Variants in BEND7 observed in about 807,000 individuals in gnomAD.
BEND7 encodes BEN domain containing 7.
In BEND7, 28 loss-of-function variants were observed where a neutral mutation model predicts 50.9. The ratio of observed to expected loss-of-function variants is 0.55; its 90% CI spans 0.41 to 0.75. The LOEUF (loss-of-function observed/expected upper bound fraction) is 0.75. Among genes scored for constraint, BEND7 ranks in the 30% least tolerant of loss-of-function variants. The pLI, the probability that BEND7 is intolerant of heterozygous loss-of-function variation, is 0.00. For missense variants in BEND7, 477 were observed against 491.3 expected, an observed-to-expected ratio of 0.97 and a Z score of 0.28; for synonymous variants, 170 against 183.9, an observed-to-expected ratio of 0.92 and a Z score of 0.61.
chr10:13,471,847 C>T (rs2131508282), intron 6 of BEND7, among the ~76,000 whole-genome samples: 1 of 152,366 alleles, frequency 6.6e-6, no homozygotes, highest in East Asian at 1.9e-4. Context: ...TGATACCCAC[C>T]ATCCCCATCA....
At chr10:13,458,098 T>C (rs1161176881) in intron 6 of BEND7, among the ~76,000 whole-genome samples, 3 of 152,380 alleles carry the variant, frequency 2.0e-5, no homozygotes, top group Non-Finnish European at 4.4e-5. Context: ...GGGCGTATGT[T>C]AAGTCACCAG....
At chr10:13,503,120 G>C (rs1024899061) in intron 2 of BEND7, 1 of 161,310 alleles carries the variant, frequency 6.2e-6, no homozygotes, top group African/African-American at 2.4e-5. Context: ...TACAACCTGA[G>C]TTTTGCATAA....
intron 6 of BEND7, among the ~76,000 whole-genome samples, chr10:13,470,540 G>A (rs540716456): frequency 3.9e-5 from 6 of 152,276 alleles, no homozygotes; most frequent in South Asian, 2.1e-4. Flanking sequence ...GTGACAGGCT[G>A]AAGAAAGATC....
chr10:13,506,486 G>A (rs77154579), intron 2 of BEND7, among the ~76,000 whole-genome samples: 5 of 152,286 alleles, frequency 3.3e-5, no homozygotes, highest in Non-Finnish European at 7.3e-5. Context: ...GAGCTGGAGC[G>A]CATAGTGAGG....
chr10:13,471,650 C>G (rs1054286482), intron 6 of BEND7, among the ~76,000 whole-genome samples: 6 of 152,348 alleles, frequency 3.9e-5, no homozygotes, highest in Admixed American at 3.3e-4. Context: ...GAAACCAGGA[C>G]CCTTGTGTCA....
intron 6 of BEND7, among the ~76,000 whole-genome samples, chr10:13,456,219 T>C (rs1838929508): frequency 6.6e-6 from 1 of 151,984 alleles, no homozygotes; most frequent in Admixed American, 6.5e-5. Flanking sequence ...GGAGTGCAGG[T>C]GTCAATGGGT....
intron 2 of BEND7, among the ~76,000 whole-genome samples, chr10:13,508,110 G>A (rs1330206614): frequency 6.6e-6 from 1 of 152,198 alleles, no homozygotes; most frequent in Non-Finnish European, 1.5e-5. Flanking sequence ...GCTGAAAGAA[G>A]AGGAATCTGA....
intron 7 of BEND7, 91 bp from the exon 8 acceptor site, chr10:13,447,407 A>C: frequency 7.7e-7 from 1 of 1,297,182 alleles, no homozygotes. Flanking sequence ...TAAAAACTCC[A>C]GTATACATAA....
At chr10:13,448,320 T>C (rs1261598800) in intron 7 of BEND7, among the ~76,000 whole-genome samples, 1 of 152,142 alleles carries the variant, frequency 6.6e-6, no homozygotes, top group African/African-American at 2.4e-5. Context: ...GCCCCTGGGA[T>C]AGTTTCGGTG....
rs140485037 is a variant in BEND7 at position 13,462,371 on chromosome 10, A to G, written c.1064-9713T>C. ...AGCTTGTGCAGGGGAACTTCCATTT[A>G]TAAAACCATCAGATCTTGTGAGACT... On this transcript the variant is annotated intron_variant, in intron 6 of 8. Coordinates refer to ENST00000466271, the MANE Select transcript of BEND7 (RefSeq NM_001369863.1). 5.3e-4 allele frequency among the ~76,000 whole-genome samples: 80 copies of G among 152,352 alleles called. 5 individuals are homozygous for G. In the East Asian group the frequency reaches 0.014, roughly 26 times the overall value.
intron 8 of BEND7, chr10:13,441,994 G>A: frequency 2.0e-6 from 1 of 502,470 alleles, no homozygotes; most frequent in East Asian, 3.2e-5. Context: ...CATCTTTGAT[G>A]ACTGGCTGGT....
intron 5 of BEND7, among the ~76,000 whole-genome samples, chr10:13,492,117 T>C (rs1588925610): frequency 6.6e-6 from 1 of 152,104 alleles, no homozygotes; most frequent in Non-Finnish European, 1.5e-5. Flanking sequence ...TAACCTATCA[T>C]TACACGGAGT....
chr10:13,473,304 G>A (rs543176430), intron 6 of BEND7, among the ~76,000 whole-genome samples: 7 of 146,280 alleles, frequency 4.8e-5, no homozygotes, highest in South Asian at 2.2e-4. Context: ...GCTGGTATCC[G>A]TCATCGCTGT....
At chr10:13,458,334 C>T (rs554893809) in intron 6 of BEND7, among the ~76,000 whole-genome samples, 3 of 152,320 alleles carry the variant, frequency 2.0e-5, no homozygotes, top group South Asian at 2.1e-4. Context: ...GCAAACAAGG[C>T]GGACTGGCCA....
rs2077766602 is a variant in BEND7, at chr10:13,505,007, C to T, written c.146-4927G>A. On this transcript the variant is annotated intron_variant, in intron 2 of 8. Coordinates refer to ENST00000466271, the MANE Select transcript of BEND7 (RefSeq NM_001369863.1). ...AACTTGGCTAGGAGGGAAGGATCCA[C>T]TACGTGGAACACGATTATTCACAGG... Among the ~76,000 whole-genome samples, 3 of 152,252 alleles carry T rather than the reference C, an allele frequency of 2.0e-5. No homozygotes were observed. The South Asian group carries it at 6.2e-4, about 31-fold the overall frequency.
At chr10:13,478,466 C>G (rs11258407) in intron 6 of BEND7, among the ~76,000 whole-genome samples, 5 of 151,936 alleles carry the variant, frequency 3.3e-5, no homozygotes, top group Middle Eastern at 3.2e-3. Flanking sequence ...TGTCCTTAAG[C>G]AACTTACAAG....
chr10:13,446,705 C>T (rs1213801851), intron 8 of BEND7: 1 of 134,584 alleles, frequency 7.4e-6, no homozygotes, highest in Non-Finnish European at 1.6e-5. Flanking sequence ...TATGGCTTAA[C>T]ACAACAGCGT....
chr10:13,494,118 T>TAA (rs1003139287), intron 4 of BEND7, among the ~76,000 whole-genome samples: 2 of 152,236 alleles, frequency 1.3e-5, no homozygotes, highest in South Asian at 4.2e-4. Context: ...CACTTGAGTT[T>TAA]AAAAAAACTG....
At chr10:13,518,067 A>C (rs1302544661) in intron 2 of BEND7, among the ~76,000 whole-genome samples, 1 of 152,244 alleles carries the variant, frequency 6.6e-6, no homozygotes, top group South Asian at 2.1e-4. Flanking sequence ...AATCACAGGG[A>C]GGCTGAATTG....
Sources: allele counts gnomAD v4.1 joint callset (sites outside exome capture counted in the v4.1 genomes callset), GRCh38; gene constraint gnomAD v4.1.1; transcripts MANE v1.5; gene names NCBI Gene and HGNC (gene_info 2026-07-23, HGNC 2026-07-21).